PEX14: variants seen among roughly 807,000 people sequenced by gnomAD.
PEX14 encodes peroxisomal membrane protein PEX14.
Under a neutral mutation model 49.5 loss-of-function variants are expected in PEX14, and 15 were observed. The observed-to-expected ratio is 0.30, with a 90% confidence interval of 0.20 to 0.47. The LOEUF (loss-of-function observed/expected upper bound fraction) is 0.47. Among genes scored for constraint, PEX14 ranks in the 20% least tolerant of loss-of-function variants. The pLI, the probability that PEX14 is intolerant of heterozygous loss-of-function variation, is 1.00. For missense variants in PEX14, 398 were observed against 494.8 expected (o/e 0.80, Z 1.86); for synonymous variants, 210 against 212.7 (o/e 0.99, Z 0.11).
At chr1:10,577,541 T>C (rs1570295324) in intron 3 of PEX14, among the ~76,000 whole-genome samples, 1 of 3,134 alleles carries the variant, frequency 3.2e-4, no homozygotes, top group Non-Finnish European at 1.2e-3. Flanking sequence ...TATATATATA[T>C]ATATATATAT....
At chr1:10,538,763 G>A (rs993910118) in intron 3 of PEX14, among the ~76,000 whole-genome samples, 3 of 152,166 alleles carry the variant, frequency 2.0e-5, no homozygotes, top group Admixed American at 6.5e-5. Context: ...AAATTGGCTC[G>A]CTGGCCGTCT....
At chr1:10,540,595 C>G (rs1421614702) in intron 3 of PEX14, among the ~76,000 whole-genome samples, 2 of 113,800 alleles carry the variant, frequency 1.8e-5, no homozygotes, top group South Asian at 3.1e-4. Context: ...CCTCCCCCAT[C>G]TCCAGGAAAA....
intron 4 of PEX14, among the ~76,000 whole-genome samples, chr1:10,611,026 C>A (rs932853263): frequency 9.2e-5 from 14 of 151,956 alleles, no homozygotes; most frequent in African/African-American, 2.4e-4. Context: ...TTGGGTGGAT[C>A]ACTTGAGGTC....
chr1:10,580,594 A>C (rs1435370213), intron 3 of PEX14, among the ~76,000 whole-genome samples: 1 of 152,188 alleles, frequency 6.6e-6, no homozygotes, highest in Admixed American at 6.5e-5. Context: ...ATAATACAGT[A>C]TAGTACATAC....
At position 10,611,389 on chromosome 1, in the gene PEX14, A is replaced by T. The variant is rs148106109; in HGVS notation, c.299-6943A>T. Among the ~76,000 whole-genome samples, 1,504 of 152,346 alleles carry T rather than the reference A, an allele frequency of 9.9e-3. 13 individuals carry two copies. The highest frequency in any genetic ancestry group is 0.018 in the Non-Finnish European group (1,205 of 68,036). On this transcript the variant is annotated intron_variant, in intron 4 of 8. Coordinates refer to ENST00000356607, the MANE Select transcript of PEX14 (RefSeq NM_004565.3). ...TTGCTCCATGTACCGCAATTTCTTT[A>T]TCTGTTGACCAGTTGGTAGTCATCT...
chr1:10,541,918 A>T (rs540780954), intron 3 of PEX14, among the ~76,000 whole-genome samples: 2 of 152,258 alleles, frequency 1.3e-5, no homozygotes, highest in East Asian at 3.9e-4. Flanking sequence ...TGCGATGGGG[A>T]AATAGTGCAG....
At chr1:10,519,103 T>C (rs1642022476) in intron 2 of PEX14, among the ~76,000 whole-genome samples, 1 of 152,060 alleles carries the variant, frequency 6.6e-6, no homozygotes, top group Non-Finnish European at 1.5e-5. Flanking sequence ...AAAAGCGGAA[T>C]TCAGAATTTC....
At chr1:10,535,732 C>T (rs1462517749) in intron 2 of PEX14, among the ~76,000 whole-genome samples, 5 of 152,104 alleles carry the variant, frequency 3.3e-5, no homozygotes, top group African/African-American at 9.6e-5. Context: ...GGCAAGGCTT[C>T]GAGGAATCAG....
intron 2 of PEX14, among the ~76,000 whole-genome samples, chr1:10,525,346 A>C (rs1425003217): frequency 6.6e-6 from 1 of 151,988 alleles, no homozygotes; most frequent in African/African-American, 2.4e-5. Flanking sequence ...CATTTTCCTC[A>C]TCTGCGTCAG....
chr1:10,552,736 T>C (rs888096168), intron 3 of PEX14, among the ~76,000 whole-genome samples: 1 of 152,206 alleles, frequency 6.6e-6, no homozygotes, highest in Non-Finnish European at 1.5e-5. Flanking sequence ...TTATAGGTGC[T>C]ATAATAGGTA....
At chr1:10,560,969 G>A (rs1030839210) in intron 3 of PEX14, among the ~76,000 whole-genome samples, 1 of 151,842 alleles carries the variant, frequency 6.6e-6, no homozygotes, top group African/African-American at 2.4e-5. Context: ...GCCTGCCCTC[G>A]GCCTCCCAAA....
chr1:10,550,540 T>A (rs903978159), intron 3 of PEX14, among the ~76,000 whole-genome samples: 2 of 152,240 alleles, frequency 1.3e-5, no homozygotes, highest in Admixed American at 6.5e-5. Flanking sequence ...CTACTAGTAA[T>A]ACAGATGTTT....
At chr1:10,622,446 C>G (rs188721167) in intron 5 of PEX14, among the ~76,000 whole-genome samples, 28 of 152,274 alleles carry the variant, frequency 1.8e-4, no homozygotes, top group African/African-American at 6.7e-4. Context: ...ACATGTTATC[C>G]CCTGGCGAGA....
In PEX14 at chr1:10,475,871, G is replaced by C. The variant is rs1243413752; in HGVS notation, c.36+869G>C. Among the ~76,000 whole-genome samples, 5 of 152,142 alleles carry C rather than the reference G, an allele frequency of 3.3e-5. No homozygotes were observed. The East Asian group carries it at 9.6e-4, about 29-fold the overall frequency. On this transcript the variant is annotated intron_variant, in intron 1 of 8. Transcript: ENST00000356607. ...CAAATTACATCTATTATCTCGTTTA[G>C]TGTTCACTACAACCTTTATGAAGTG...
At chr1:10,481,717 A>G (rs1412621723) in intron 1 of PEX14, among the ~76,000 whole-genome samples, 2 of 150,752 alleles carry the variant, frequency 1.3e-5, no homozygotes, top group African/African-American at 4.9e-5. Context: ...TACTTAACAC[A>G]TATTTTTGAG....
At position 10,495,066 on chromosome 1, in the gene PEX14, C is replaced by CA. The variant is rs529457923; in HGVS notation, c.37-207dup. The CA allele has an allele frequency of 9.4e-5, 92 of 980,592 alleles. 1 individual carries two copies. The African/African-American group carries it at 1.5e-3, about 16-fold the overall frequency. The allele number at this position is 980,592 out of a possible 1,614,324, so 60.7% of individuals were successfully genotyped here. ...GTGGTGTGACAAGTGAACCCAGAAA[C>CA]AGTCTTCATCTTCCCTGGTGAATTC... is the stretch of plus-strand genomic sequence containing the variant. On this transcript the variant is annotated intron_variant, in intron 1 of 8. Transcript: ENST00000356607. The surrounding 1 kb of genome is among the most constrained non-coding windows in gnomAD (Gnocchi z 4.2).
chr1:10,507,160 G>A (rs1570171490), intron 2 of PEX14, among the ~76,000 whole-genome samples: 1 of 152,368 alleles, frequency 6.6e-6, no homozygotes, highest in East Asian at 1.9e-4. Context: ...TCATTTTGCA[G>A]TGAGGAGACT....
intron 3 of PEX14, among the ~76,000 whole-genome samples, chr1:10,543,880 A>G (rs890755360): frequency 1.3e-5 from 2 of 152,170 alleles, no homozygotes; most frequent in Non-Finnish European, 2.9e-5. Context: ...AATTACAGAC[A>G]TGAACCACGG....
chr1:10,518,378 CA>C (rs1642007739), intron 2 of PEX14, among the ~76,000 whole-genome samples: 1 of 152,142 alleles, frequency 6.6e-6, no homozygotes, highest in African/African-American at 2.4e-5. Context: ...AACCCGATGC[CA>C]GGGGGAACCT....
Sources: gnomAD v4.1 joint callset for allele counts (sites outside exome capture counted in the v4.1 genomes callset) on GRCh38, gnomAD v4.1.1 for gene constraint, Gnocchi (gnomAD v3.1) non-coding constraint, MANE v1.5 for transcripts, NCBI Gene and HGNC (gene_info 2026-07-23, HGNC 2026-07-21) for gene names.